Variants in DHRSX observed in about 807,000 individuals in gnomAD.
DHRSX encodes dehydrogenase/reductase X-linked, also known as polyprenol dehydrogenase.
In DHRSX, 31 loss-of-function variants were observed where a neutral mutation model predicts 34.0. The ratio of observed to expected loss-of-function variants is 0.91; its 90% confidence interval spans 0.69 to 1.23. DHRSX has a LOEUF of 1.23. Among genes scored for constraint, DHRSX ranks in the 50% most tolerant of loss-of-function variants. The pLI is 0.00. For missense variants in DHRSX, 414 were observed against 428.1 expected (o/e 0.97, Z 0.29); for synonymous variants, 201 against 183.8 (o/e 1.09, Z -0.76).
intron 2 of DHRSX, among the ~76,000 whole-genome samples, chrX:2,418,933 C>T (rs2043733840): frequency 6.6e-6 from 1 of 151,870 alleles, no homozygotes; most frequent in Non-Finnish European, 1.5e-5. Context: ...CCCCCCTGCC[C>T]TACATCTTGT....
intron 3 of DHRSX, among the ~76,000 whole-genome samples, chrX:2,304,907 T>C (rs1291528569): frequency 6.6e-6 from 1 of 152,046 alleles, no homozygotes; most frequent in East Asian, 1.9e-4. Context: ...CAGGCACACA[T>C]ATGTTCATTG....
intron 3 of DHRSX, among the ~76,000 whole-genome samples, chrX:2,332,893 C>T (rs950956150): frequency 9.9e-5 from 15 of 152,096 alleles, no homozygotes; most frequent in Non-Finnish European, 1.5e-4. Flanking sequence ...ATGTACTCTG[C>T]GGTGAGTACC....
intron 3 of DHRSX, among the ~76,000 whole-genome samples, chrX:2,339,283 G>A (rs1244565289): frequency 8.6e-5 from 13 of 151,904 alleles, no homozygotes; most frequent in Admixed American, 7.3e-4. Flanking sequence ...TTACAGGTGT[G>A]TGCCACCAGG....
intron 1 of DHRSX, among the ~76,000 whole-genome samples, chrX:2,470,890 GA>G (rs35474470): frequency 0.2 from 29,617 of 150,802 alleles, 1,299 homozygotes; most frequent in African/African-American, 0.26. Flanking sequence ...GTTAGAGTTA[GA>G]ATTATGTGAA....
chrX:2,479,083 A>G (rs1157742353), intron 1 of DHRSX, among the ~76,000 whole-genome samples: 1 of 152,078 alleles, frequency 6.6e-6, no homozygotes, highest in Non-Finnish European at 1.5e-5. Flanking sequence ...ATGTTCCCTA[A>G]GCTTGTGGCT....
intron 3 of DHRSX, among the ~76,000 whole-genome samples, chrX:2,395,674 A>G (rs1267422454): frequency 6.6e-6 from 1 of 152,042 alleles, no homozygotes; most frequent in East Asian, 1.9e-4. Flanking sequence ...TTGGAGGCAG[A>G]GTCTGAGGCC....
At chrX:2,492,285 T>C (rs1032406657) in intron 1 of DHRSX, among the ~76,000 whole-genome samples, 20 of 151,652 alleles carry the variant, frequency 1.3e-4, no homozygotes, top group African/African-American at 4.6e-4. Flanking sequence ...GTGTCCTTAA[T>C]AGAAGACAGA....
chrX:2,294,526 G>A (rs1018933999), intron 3 of DHRSX, among the ~76,000 whole-genome samples: 2 of 151,916 alleles, frequency 1.3e-5, no homozygotes, highest in Non-Finnish European at 2.9e-5. Context: ...TTAGGCGACT[G>A]TGGTGGTGCA....
chrX:2,314,679 T>C (rs1306630829), intron 3 of DHRSX, among the ~76,000 whole-genome samples: 3 of 152,100 alleles, frequency 2.0e-5, no homozygotes, highest in South Asian at 4.1e-4. Flanking sequence ...TTACGATATA[T>C]AGGGTTAAAT....
At chrX:2,310,944 C>G (rs775337870) in intron 3 of DHRSX, among the ~76,000 whole-genome samples, 9 of 151,892 alleles carry the variant, frequency 5.9e-5, no homozygotes, top group Non-Finnish European at 1.2e-4. Context: ...ACCTGTAATC[C>G]CAGCTACTCG....
chrX:2,294,373 G>A (rs1401085027), intron 3 of DHRSX, among the ~76,000 whole-genome samples: 18 of 151,998 alleles, frequency 1.2e-4, no homozygotes, highest in Middle Eastern at 3.2e-3. Context: ...TTGAAACCTC[G>A]TCTCTACTAA....
chrX:2,425,135 T>A, intron 2 of DHRSX, 62 bp downstream of exon 2: 1 of 1,275,548 alleles, frequency 7.8e-7, no homozygotes, highest in Admixed American at 2.1e-5. Context: ...ACTGCGATCC[T>A]GTCTCAGAAA....
chrX:2,310,986 G>A (rs1183118524), intron 3 of DHRSX, among the ~76,000 whole-genome samples: 6 of 151,536 alleles, frequency 4.0e-5, no homozygotes, highest in Admixed American at 6.6e-5. Flanking sequence ...GCTTGAATCC[G>A]GGAGGCGGAG....
chrX:2,315,432 G>T (rs1008085957), intron 3 of DHRSX, among the ~76,000 whole-genome samples: 2 of 152,156 alleles, frequency 1.3e-5, no homozygotes, highest in Admixed American at 1.3e-4. Context: ...AGACTAAGGT[G>T]TTGGACTTCT....
chrX:2,458,169 G>A (rs2044338718), intron 1 of DHRSX, among the ~76,000 whole-genome samples: 1 of 151,808 alleles, frequency 6.6e-6, no homozygotes, highest in South Asian at 2.1e-4. Context: ...CTAAGCATGT[G>A]GTCAAGAGAC....
At chrX:2,263,356 C>T (rs2041389587) in intron 5 of DHRSX, among the ~76,000 whole-genome samples, 1 of 152,162 alleles carries the variant, frequency 6.6e-6, no homozygotes, top group South Asian at 2.1e-4. Flanking sequence ...GCCCCTTCCA[C>T]TGCTTGATGA....
At chrX:2,355,511 T>TAAAAAAAAAAAAAAAAAAAAA (rs767512287) in intron 3 of DHRSX, among the ~76,000 whole-genome samples, 1 of 75,310 alleles carries the variant, frequency 1.3e-5, no homozygotes, top group African/African-American at 4.5e-5. Flanking sequence ...AGACCCCATC[T>TAAAAAAAAAAAAAAAAAAAAA]AAAAAAAAAA....
intron 3 of DHRSX, among the ~76,000 whole-genome samples, chrX:2,314,293 AATGAGGGAG>A (rs2042204074): frequency 7.1e-5 from 1 of 14,110 alleles, no homozygotes; most frequent in Non-Finnish European, 1.6e-4. Flanking sequence ...GGAAGGAGGG[AATGAGGGAG>A]GGAAGGAGGG....
rs190038095 is a variant in DHRSX at position 2,369,436 on chromosome X, T to C, written c.286+39309A>G. ...ACAAGATGCAGCTGGACTAGATGTGTGTGTGGAGTATTCGTGAGGGGCTAA... is the reference window on the plus strand; with the variant it reads ...ACAAGATGCAGCTGGACTAGATGTGCGTGTGGAGTATTCGTGAGGGGCTAA... On this transcript the variant is annotated intron_variant, in intron 3 of 6. Coordinates refer to ENST00000334651, the MANE Select transcript of DHRSX (RefSeq NM_145177.3). Among the ~76,000 whole-genome samples, 143 of 152,292 alleles carry C rather than the reference T, an allele frequency of 9.4e-4. 1 individual carries two copies. The highest frequency in any genetic ancestry group is 3.0e-3 in the African/African-American group (126 of 41,572).
Sources: allele counts gnomAD v4.1 joint callset (sites outside exome capture counted in the v4.1 genomes callset), GRCh38; gene constraint gnomAD v4.1.1; transcripts MANE v1.5; gene names NCBI Gene and HGNC (gene_info 2026-07-23, HGNC 2026-07-21).